WWOX: variants seen among roughly 807,000 people sequenced by gnomAD.
WWOX encodes WW domain containing oxidoreductase.
In WWOX, 69 loss-of-function variants were observed where a neutral mutation model predicts 46.2. The ratio of observed to expected loss-of-function variants is 1.49; its 90% confidence interval spans 1.23 to 1.82. The LOEUF is 1.82. WWOX is among the 40% of genes most tolerant of loss of function. The pLI, the probability that WWOX is intolerant of heterozygous loss-of-function variation, is 0.00. For missense variants in WWOX, 919 were observed against 542.6 expected (o/e 1.69, Z -6.89); for synonymous variants, 359 against 202.6 (o/e 1.77, Z -6.56).
intron 8 of WWOX, among the ~76,000 whole-genome samples, chr16:78,674,433 C>T (rs573870855): frequency 2.3e-4 from 35 of 152,078 alleles, no homozygotes; most frequent in East Asian, 1.6e-3. Flanking sequence ...TACAGGCGTC[C>T]GCCACCATGC....
intron 8 of WWOX, among the ~76,000 whole-genome samples, chr16:78,986,539 T>G (rs1029642790): frequency 3.3e-5 from 5 of 151,922 alleles, no homozygotes; most frequent in Admixed American, 2.6e-4. Flanking sequence ...GTGCAGAGAG[T>G]GAGGATAAAT....
chr16:78,214,810 A>G (rs1471141161), intron 5 of WWOX, among the ~76,000 whole-genome samples: 4 of 148,656 alleles, frequency 2.7e-5, no homozygotes, highest in African/African-American at 7.6e-5. Flanking sequence ...TTAAATATCA[A>G]TAGTCAATGA....
At chr16:79,116,953 A>AT (rs2049528398) in intron 8 of WWOX, among the ~76,000 whole-genome samples, 1 of 152,158 alleles carries the variant, frequency 6.6e-6, no homozygotes. Flanking sequence ...CAGACTGGGC[A>AT]TTGTATTAGC....
At chr16:78,595,786 T>G (rs1043361318) in intron 8 of WWOX, among the ~76,000 whole-genome samples, 1 of 152,222 alleles carries the variant, frequency 6.6e-6, no homozygotes, top group African/African-American at 2.4e-5. Flanking sequence ...CTTTATTATT[T>G]GTGATGAGAA....
At chr16:78,770,493 T>G (rs2050037887) in intron 8 of WWOX, among the ~76,000 whole-genome samples, 1 of 152,172 alleles carries the variant, frequency 6.6e-6, no homozygotes, top group South Asian at 2.1e-4. Flanking sequence ...GACTGGGCCA[T>G]GGCCCATTGG....
At chr16:78,818,650 G>C (rs2051409207) in intron 8 of WWOX, among the ~76,000 whole-genome samples, 1 of 152,200 alleles carries the variant, frequency 6.6e-6, no homozygotes, top group Admixed American at 6.5e-5. Flanking sequence ...AGGATCACTT[G>C]AGCCTCGTAG....
At position 78,350,060 on chromosome 16, in the gene WWOX, A is replaced by G. The variant is rs146454574; in HGVS notation, c.517-36800A>G. Among the ~76,000 whole-genome samples the G allele has an allele frequency of 1.5e-4, 18 of 121,280 alleles. 5 individuals are homozygous for G. The highest frequency in any genetic ancestry group is 1.4e-3 in the Admixed American group (18 of 12,462). 79.6% of individuals were successfully genotyped at this position (121,280 alleles called of 152,430 possible). ...CCTGCTTTTTATTGAACTTAATGATAAATGGCAAACATTTGACCATGTCAC... is the reference window on the plus strand; with the variant it reads ...CCTGCTTTTTATTGAACTTAATGATGAATGGCAAACATTTGACCATGTCAC... On this transcript the variant is annotated intron_variant, in intron 5 of 8. Coordinates refer to ENST00000566780, the MANE Select transcript of WWOX (RefSeq NM_016373.4).
chr16:78,144,466 CACATAT>C lies in WWOX; in HGVS notation c.410-19715_410-19710del, dbSNP rs1401518969. 8.6e-3 allele frequency among the ~76,000 whole-genome samples: 124 copies of C among 14,358 alleles called. 15 individuals are homozygous for C. Among genetic ancestry groups the C allele is most frequent in the African/African-American group, 0.026 (115 of 4,344 alleles). 9.4% of individuals were successfully genotyped at this position (14,358 alleles called of 152,430 possible). On this transcript the variant is annotated intron_variant, in intron 4 of 8. Transcript: ENST00000566780. ...ATATATACACATATATATATATACA[CACATAT>C]ATATATATATATATACACACACACA...
At chr16:78,153,873 A>G (rs999491212) in intron 4 of WWOX, among the ~76,000 whole-genome samples, 7 of 152,200 alleles carry the variant, frequency 4.6e-5, no homozygotes, top group African/African-American at 1.7e-4. Context: ...CCTTCCTGGC[A>G]TCGGGGAAAG....
At chr16:78,452,049 A>G (rs993433455) in intron 8 of WWOX, among the ~76,000 whole-genome samples, 2 of 152,134 alleles carry the variant, frequency 1.3e-5, no homozygotes, top group Non-Finnish European at 2.9e-5. Context: ...TGTTCTCTGC[A>G]TGTTCTTTCT....
chr16:78,667,652 C>T (rs1597417758), intron 8 of WWOX, among the ~76,000 whole-genome samples: 2 of 114,594 alleles, frequency 1.7e-5, no homozygotes, highest in Non-Finnish European at 3.2e-5. Flanking sequence ...GCCTGGGCGA[C>T]AGAGTGAGAC....
At position 79,132,166 on chromosome 16, in the gene WWOX, A is replaced by ACACACACC. The variant is rs1260096040; in HGVS notation, c.1057-79441_1057-79440insACACACCC. On this transcript the variant is annotated intron_variant, in intron 8 of 8. Coordinates refer to ENST00000566780, the MANE Select transcript of WWOX (RefSeq NM_016373.4). The stretch of plus-strand genomic sequence containing the variant: ...CACACACACACACACACACACACAC[A>ACACACACC]CCCCTTCCTACGTCCTACATCCCTG... Among the ~76,000 whole-genome samples the ACACACACC allele has an allele frequency of 7.8e-4, 111 of 141,858 alleles. 1 individual carries two copies. Among genetic ancestry groups the ACACACACC allele is most frequent in the African/African-American group, 2.9e-3 (109 of 37,722 alleles). The allele number at this position is 141,858 out of a possible 152,430, so 93.1% of individuals were successfully genotyped here.
At chr16:78,356,432 A>G (rs367567319) in intron 5 of WWOX, among the ~76,000 whole-genome samples, 1 of 152,116 alleles carries the variant, frequency 6.6e-6, no homozygotes, top group African/African-American at 2.4e-5. Flanking sequence ...ACCCGTGGGA[A>G]AATCTCAGTC....
intron 8 of WWOX, among the ~76,000 whole-genome samples, chr16:78,646,967 G>A (rs1032850503): frequency 3.3e-5 from 5 of 152,150 alleles, no homozygotes; most frequent in East Asian, 3.9e-4. Context: ...ACAACTCTAG[G>A]CACGTAACTG....
At chr16:78,279,293 T>A (rs2079635498) in intron 5 of WWOX, among the ~76,000 whole-genome samples, 2 of 152,284 alleles carry the variant, frequency 1.3e-5, no homozygotes, top group South Asian at 4.2e-4. Flanking sequence ...CACCTCCCTC[T>A]CATATTAAGT....
intron 8 of WWOX, among the ~76,000 whole-genome samples, chr16:78,645,746 T>C (rs1310795376): frequency 6.6e-6 from 1 of 152,082 alleles, no homozygotes; most frequent in African/African-American, 2.4e-5. Context: ...GCCTCCAACA[T>C]TGGAGATCAA....
At chr16:78,801,279 G>A (rs2050879989) in intron 8 of WWOX, among the ~76,000 whole-genome samples, 3 of 152,126 alleles carry the variant, frequency 2.0e-5, no homozygotes, top group South Asian at 2.1e-4. Context: ...GGAGGCCAAC[G>A]CAGGTAGATC....
intron 8 of WWOX, among the ~76,000 whole-genome samples, chr16:78,468,057 A>T (rs1360692634): frequency 6.6e-6 from 1 of 152,036 alleles, no homozygotes; most frequent in Non-Finnish European, 1.5e-5. Context: ...GCTCTTTTCC[A>T]AGCCACCAAT....
chr16:79,177,481 G>A (rs1437031068), intron 8 of WWOX, among the ~76,000 whole-genome samples: 1 of 152,106 alleles, frequency 6.6e-6, no homozygotes, highest in Non-Finnish European at 1.5e-5. Context: ...ACCCAACAAA[G>A]CTTTTATGGG....
Sources: gnomAD v4.1 joint callset for allele counts (sites outside exome capture counted in the v4.1 genomes callset) on GRCh38, gnomAD v4.1.1 for gene constraint, MANE v1.5 for transcripts, NCBI Gene and HGNC (gene_info 2026-07-23, HGNC 2026-07-21) for gene names.